Variants in MINAR2 observed in about 807,000 individuals in gnomAD.
The protein encoded by MINAR2 is membrane integral NOTCH2 associated receptor 2.
Under a neutral mutation model 16.1 loss-of-function variants are expected in MINAR2, and 21 were observed. The ratio of observed to expected loss-of-function variants is 1.31; its 90% CI spans 0.93 to 1.88. The LOEUF (loss-of-function observed/expected upper bound fraction) is 1.88, where lower values mean the gene tolerates loss of function less well. Among genes scored for constraint, MINAR2 ranks in the 40% most tolerant of loss-of-function variants. MINAR2 has a pLI of 0.00. For missense variants in MINAR2, 259 were observed against 229.8 expected (o/e 1.13, Z -0.82); for synonymous variants, 86 against 83.0 (o/e 1.04, Z -0.20).
intron 1 of MINAR2, among the ~76,000 whole-genome samples, chr5:129,749,210 T>A (rs1237187403): frequency 6.6e-6 from 1 of 152,202 alleles, no homozygotes; most frequent in Non-Finnish European, 1.5e-5. Context: ...CAGATGTGAC[T>A]GACCTACAAA....
chr5:129,750,096 G>A (rs1333224627), intron 1 of MINAR2, among the ~76,000 whole-genome samples: 2 of 152,154 alleles, frequency 1.3e-5, no homozygotes, highest in African/African-American at 4.8e-5. Flanking sequence ...AGGACATCAA[G>A]TACAAATTCA....
intron 2 of MINAR2, among the ~76,000 whole-genome samples, chr5:129,763,712 T>G (rs1218776619): frequency 6.6e-6 from 1 of 152,210 alleles, no homozygotes; most frequent in African/African-American, 2.4e-5. Context: ...AACTAAGAAG[T>G]TCCAACTAGT....
At chr5:129,750,482 A>G (rs2149544612) in intron 1 of MINAR2, among the ~76,000 whole-genome samples, 1 of 152,334 alleles carries the variant, frequency 6.6e-6, no homozygotes, top group East Asian at 1.9e-4. Context: ...TCAAATTCAC[A>G]ATAAACCAGT....
chr5:129,750,589 A>C (rs1031576178), intron 1 of MINAR2, among the ~76,000 whole-genome samples: 5 of 152,200 alleles, frequency 3.3e-5, no homozygotes, highest in African/African-American at 1.2e-4. Context: ...TAAAAGTGAG[A>C]GCAAATGAAA....
At chr5:129,752,402 A>T (rs1001815655) in intron 1 of MINAR2, among the ~76,000 whole-genome samples, 2 of 152,140 alleles carry the variant, frequency 1.3e-5, no homozygotes, top group Non-Finnish European at 2.9e-5. Flanking sequence ...ATAGAAAAGG[A>T]TGAGTTCATG....
intron 2 of MINAR2, 76 bp from the exon 3 acceptor site, chr5:129,764,806 CTT>C (rs755420444): frequency 1.5e-4 from 114 of 775,338 alleles, no homozygotes; most frequent in Non-Finnish European, 1.9e-4. Context: ...ATGACAGTGT[CTT>C]GTTCTGCAAT....
At chr5:129,758,985 T>C (rs1348706869) in intron 1 of MINAR2, among the ~76,000 whole-genome samples, 2 of 144,926 alleles carry the variant, frequency 1.4e-5, no homozygotes, top group African/African-American at 5.1e-5. Flanking sequence ...TCTAAGTATG[T>C]GAAAAATGCA....
At chr5:129,761,297 T>C (rs962919654) in intron 2 of MINAR2, among the ~76,000 whole-genome samples, 3 of 152,318 alleles carry the variant, frequency 2.0e-5, no homozygotes, top group Admixed American at 6.5e-5. Context: ...TGGACTGGAT[T>C]CCTACCCAGC....
At chr5:129,764,713 T>C (rs1459624277) in intron 2 of MINAR2, among the ~76,000 whole-genome samples, 171 bp from the exon 3 acceptor site, 1 of 151,904 alleles carries the variant, frequency 6.6e-6, no homozygotes, top group East Asian at 1.9e-4. Context: ...TTTTATGCTA[T>C]TCAAGGAAGC....
chr5:129,751,963 G>A lies in MINAR2; in HGVS notation c.165+3608G>A, dbSNP rs186080435. Among the ~76,000 whole-genome samples the A allele has an allele frequency of 2.4e-4, 36 of 151,954 alleles. No individual in the cohort carries two copies. The South Asian group carries it at 6.0e-3, about 25-fold the overall frequency. ...GAAGACATTTATGCAGCCAACAAAC[G>A]TGAAAAAAAGCTCATCATCACTGGT... On this transcript the variant is annotated intron_variant, in intron 1 of 2. Transcript: ENST00000564719.
intron 2 of MINAR2, chr5:129,762,559 T>G (rs1758150950): frequency 3.0e-6 from 1 of 337,544 alleles, no homozygotes; most frequent in African/African-American, 2.3e-5. Context: ...TCAGGTTTTC[T>G]GCTCTTTGTG....
chr5:129,765,507 T>G lies in MINAR2; in HGVS notation c.*444T>G, dbSNP rs1758200851. The G allele has an allele frequency of 6.5e-6, 1 of 153,102 alleles. No homozygotes were observed. Among genetic ancestry groups the G allele is most frequent in the Non-Finnish European group, 1.5e-5 (1 of 68,690 alleles). 9.5% of individuals were successfully genotyped at this position (153,102 alleles called of 1,614,324 possible). ...AAGTTTGAGCTGATAATTTTTTTTTTAACCAACTGCTGGGTAGCTAGGATA... is the reference window on the plus strand; with the variant it reads ...AAGTTTGAGCTGATAATTTTTTTTTGAACCAACTGCTGGGTAGCTAGGATA... On this transcript the variant is annotated 3_prime_UTR_variant, in exon 3 of 3. Coordinates refer to ENST00000564719, the MANE Select transcript of MINAR2 (RefSeq NM_001257308.2).
At chr5:129,758,030 A>T (rs1418648517) in intron 1 of MINAR2, among the ~76,000 whole-genome samples, 5 of 151,932 alleles carry the variant, frequency 3.3e-5, no homozygotes, top group Non-Finnish European at 7.4e-5. Context: ...CACTCTCTTT[A>T]TTGAATTATA....
At chr5:129,751,853 T>C (rs1301563751) in intron 1 of MINAR2, among the ~76,000 whole-genome samples, 1 of 152,182 alleles carries the variant, frequency 6.6e-6, no homozygotes, top group Non-Finnish European at 1.5e-5. Context: ...GGCTGATTTT[T>C]TTAAACAAAT....
chr5:129,751,943 C>T (rs1048332858), intron 1 of MINAR2, among the ~76,000 whole-genome samples: 6 of 152,058 alleles, frequency 3.9e-5, no homozygotes, highest in African/African-American at 1.4e-4. Flanking sequence ...CAAAAGAAGA[C>T]ATTTATGCAG....
rs1757943767 is a variant in MINAR2 at position 129,748,335 on chromosome 5, C to T, written c.145C>T (p.Gln49Ter). 3 of 1,535,018 alleles carry T rather than the reference C, an allele frequency of 2.0e-6. No homozygotes were observed. In the East Asian group the frequency reaches 7.3e-5, roughly 38 times the overall value. ...AAATTATCCTGCTGCACAACACTGG[C>T]AAAACCTTGTCTACTCACAGGTAAG... Reference protein sequence around the residue: ...GGNYPAAQHWQNLVYSQREKK... With the variant: ...GGNYPAAQHW The change falls in exon 1 of 3, where the codon CAA (glutamine) becomes TAA (stop). Residue 49 changes from glutamine to a stop codon, truncating the protein, a stop_gained. Transcript: ENST00000564719. LOFTEE classifies it high-confidence loss of function.
intron 1 of MINAR2, among the ~76,000 whole-genome samples, chr5:129,758,655 A>C (rs2149546143): frequency 6.6e-6 from 1 of 152,050 alleles, no homozygotes; most frequent in African/African-American, 2.4e-5. Flanking sequence ...AACTTGGCCA[A>C]CAGTGTAGAA....
intron 1 of MINAR2, among the ~76,000 whole-genome samples, chr5:129,749,513 A>C (rs1757960461): frequency 6.6e-6 from 1 of 152,094 alleles, no homozygotes; most frequent in African/African-American, 2.4e-5. Flanking sequence ...GTAATCCTCA[A>C]ACCCTTCTGC....
chr5:129,765,625 A>C lies in MINAR2; in HGVS notation c.*562A>C, dbSNP rs1170638612. On this transcript the variant is annotated 3_prime_UTR_variant, in exon 3 of 3. Transcript: ENST00000564719. ...TTAAGTCAGAAAAAAGGAAAAAGGGAAATATCTTATTCAAATCTATTCTTA... is the reference window on the plus strand; with the variant it reads ...TTAAGTCAGAAAAAAGGAAAAAGGGCAATATCTTATTCAAATCTATTCTTA... The C allele has an allele frequency of 6.6e-6, 1 of 152,170 alleles. No individual in the cohort carries two copies. The highest frequency in any genetic ancestry group is 1.5e-5 in the Non-Finnish European group (1 of 68,042). 9.4% of individuals were successfully genotyped at this position (152,170 alleles called of 1,614,324 possible).
Sources: gnomAD v4.1 joint callset for allele counts (sites outside exome capture counted in the v4.1 genomes callset) on GRCh38, gnomAD v4.1.1 for gene constraint, MANE v1.5 for transcripts, NCBI Gene and HGNC (gene_info 2026-07-23, HGNC 2026-07-21) for gene names.